Variants in TSPAN5 observed in about 807,000 individuals in gnomAD.
The protein encoded by TSPAN5 is tetraspanin-5.
A neutral mutation model predicts 37.1 loss-of-function variants in TSPAN5; 10 were observed. That is an observed-to-expected ratio of 0.27 (90% CI 0.17 to 0.46). The LOEUF is 0.46. TSPAN5 is among the 20% of genes least tolerant of loss of function. The pLI, the probability that TSPAN5 is intolerant of heterozygous loss-of-function variation, is 1.00. For missense variants in TSPAN5, 195 were observed against 326.6 expected (o/e 0.60, Z 3.11); for synonymous variants, 110 against 118.9 (o/e 0.93, Z 0.48).
At chr4:98,488,667 G>A (rs1043200363) in intron 2 of TSPAN5, among the ~76,000 whole-genome samples, 4 of 152,124 alleles carry the variant, frequency 2.6e-5, no homozygotes, top group Non-Finnish European at 4.4e-5. Flanking sequence ...TACTCCGGGG[G>A]AAAAGGTTGA....
Position 98,658,156 on chromosome 4 carries a change from AC to A in TSPAN5, c.70del (p.Val24SerfsTer8). The A allele has an allele frequency of 6.2e-7, 1 of 1,613,810 alleles. No homozygotes were observed. ...AGCGCTCCAACTTACCCAAAATATG[AC>A]ATTGAAGCCAAATATGAAGTATTTG... The part of the protein sequence containing the change: ...CIKYFIFGFN[V>X]IFWFLGITFL... On this transcript the variant is annotated frameshift_variant, in exon 1 of 8. Transcript: ENST00000305798. LOFTEE classifies it high-confidence loss of function.
chr4:98,657,670 T>A, intron 1 of TSPAN5: 1 of 220,892 alleles, frequency 4.5e-6, no homozygotes, highest in East Asian at 1.6e-4. Context: ...ACGCTGAGCA[T>A]GGCACAGACC....
chr4:98,506,496 T>C (rs1753479609), intron 2 of TSPAN5, among the ~76,000 whole-genome samples: 1 of 152,208 alleles, frequency 6.6e-6, no homozygotes, highest in African/African-American at 2.4e-5. Context: ...GATGGTTCAT[T>C]TGCAAAACTC....
intron 1 of TSPAN5, among the ~76,000 whole-genome samples, chr4:98,541,456 C>A (rs1243244876): frequency 6.6e-5 from 10 of 152,030 alleles, no homozygotes; most frequent in African/African-American, 1.9e-4. Flanking sequence ...AGGCAGATCA[C>A]TTGAGGCCAG....
chr4:98,650,626 C>G (rs780876243), intron 1 of TSPAN5, among the ~76,000 whole-genome samples: 1 of 152,108 alleles, frequency 6.6e-6, no homozygotes, highest in Non-Finnish European at 1.5e-5. Flanking sequence ...TACATAGATA[C>G]AGAATTACAG....
At chr4:98,599,340 A>G (rs1054302032) in intron 1 of TSPAN5, among the ~76,000 whole-genome samples, 2 of 152,188 alleles carry the variant, frequency 1.3e-5, no homozygotes, top group Non-Finnish European at 2.9e-5. Context: ...TCAAACTTGG[A>G]AAGTCAAATC....
intron 1 of TSPAN5, among the ~76,000 whole-genome samples, chr4:98,636,110 A>C (rs1756852495): frequency 6.6e-6 from 1 of 152,208 alleles, no homozygotes. Context: ...GGTAGACAGA[A>C]ATGGCAGAAA....
intron 1 of TSPAN5, among the ~76,000 whole-genome samples, chr4:98,634,005 G>A (rs940914812): frequency 6.6e-6 from 1 of 151,852 alleles, no homozygotes; most frequent in Non-Finnish European, 1.5e-5. Context: ...CTTGAACCCG[G>A]GAGGCAGAGG....
At chr4:98,564,093 A>G (rs1754943104) in intron 1 of TSPAN5, among the ~76,000 whole-genome samples, 1 of 152,240 alleles carries the variant, frequency 6.6e-6, no homozygotes, top group Admixed American at 6.5e-5. Flanking sequence ...CAGTTATCAC[A>G]CTATATTGAA....
At chr4:98,502,007 A>G (rs1179685420) in intron 2 of TSPAN5, among the ~76,000 whole-genome samples, 4 of 152,166 alleles carry the variant, frequency 2.6e-5, no homozygotes, top group Admixed American at 2.0e-4. Flanking sequence ...AAGAAATCGG[A>G]TTTTCAATAT....
At chr4:98,584,643 G>A (rs1755446216) in intron 1 of TSPAN5, among the ~76,000 whole-genome samples, 1 of 152,066 alleles carries the variant, frequency 6.6e-6, no homozygotes, top group South Asian at 2.1e-4. Flanking sequence ...TCATTTCCTT[G>A]CTAAAAGTCT....
intron 7 of TSPAN5, among the ~76,000 whole-genome samples, chr4:98,474,590 C>T (rs2110251809): frequency 6.6e-6 from 1 of 152,262 alleles, no homozygotes; most frequent in East Asian, 1.9e-4. Context: ...TCAAGTGATC[C>T]ACCTGACTCA....
chr4:98,614,317 G>A lies in TSPAN5; in HGVS notation c.81+43829C>T, dbSNP rs141807147. On this transcript the variant is annotated intron_variant, in intron 1 of 7. Coordinates refer to ENST00000305798, the MANE Select transcript of TSPAN5 (RefSeq NM_005723.4). The stretch of plus-strand genomic sequence containing the variant: ...TCACAGGCTCCCCCTCTTCAATTCC[G>A]TCATCAGCCTGTCACACCCACTGAC... 2.7e-3 allele frequency among the ~76,000 whole-genome samples: 418 copies of A among 152,258 alleles called. 6 individuals are homozygous for A. The highest frequency in any genetic ancestry group is 3.1e-3 in the East Asian group (16 of 5,182).
intron 1 of TSPAN5, among the ~76,000 whole-genome samples, chr4:98,543,675 C>T (rs1578980729): frequency 1.3e-5 from 2 of 152,090 alleles, no homozygotes; most frequent in African/African-American, 4.8e-5. Flanking sequence ...CTGCCTTGGC[C>T]TCCCAAAGTG....
intron 1 of TSPAN5, among the ~76,000 whole-genome samples, chr4:98,592,021 A>C (rs1755645879): frequency 6.6e-6 from 1 of 152,008 alleles, no homozygotes; most frequent in African/African-American, 2.4e-5. Flanking sequence ...TCAATGGAAC[A>C]GAATGGAGAA....
At position 98,543,082 on chromosome 4, in the gene TSPAN5, G is replaced by A. The variant is rs1219062789; in HGVS notation, c.82-35354C>T. Among the ~76,000 whole-genome samples, 4 of 151,972 alleles carry A rather than the reference G, an allele frequency of 2.6e-5. No individual in the cohort carries two copies. The East Asian group carries it at 5.8e-4, about 22-fold the overall frequency. On this transcript the variant is annotated intron_variant, in intron 1 of 7. Transcript: ENST00000305798. Reference sequence around the variant, plus strand: ...TCTCCATGCACACAGCACGAGCAGGGAAAAAACCAAAATGCTAGACAATAT... The same window carrying A: ...TCTCCATGCACACAGCACGAGCAGGAAAAAAACCAAAATGCTAGACAATAT...
At chr4:98,589,025 G>T (rs1192179723) in intron 1 of TSPAN5, among the ~76,000 whole-genome samples, 1 of 152,146 alleles carries the variant, frequency 6.6e-6, no homozygotes, top group Admixed American at 6.6e-5. Context: ...GGCCTGGAAA[G>T]GGACACACAG....
intron 2 of TSPAN5, among the ~76,000 whole-genome samples, chr4:98,501,679 G>A (rs919113812): frequency 2.7e-4 from 41 of 152,144 alleles, no homozygotes; most frequent in Admixed American, 1.3e-4. Flanking sequence ...TTTGGGATGC[G>A]GGAGGAATAG....
At chr4:98,626,886 GTTTTTT>G (rs34770397) in intron 1 of TSPAN5, among the ~76,000 whole-genome samples, 1 of 83,484 alleles carries the variant, frequency 1.2e-5, no homozygotes, top group Non-Finnish European at 2.2e-5. Flanking sequence ...ATGAGAGCAG[GTTTTTT>G]TTTTTTTTTT....
Sources: gnomAD v4.1 joint callset for allele counts (sites outside exome capture counted in the v4.1 genomes callset) on GRCh38, gnomAD v4.1.1 for gene constraint, MANE v1.5 for transcripts, NCBI Gene and HGNC (gene_info 2026-07-23, HGNC 2026-07-21) for gene names.